RAPGEF4: variants seen among roughly 807,000 people sequenced by gnomAD.
The protein encoded by RAPGEF4 is Rap guanine nucleotide exchange factor 4.
RAPGEF4 carries 66 observed loss-of-function variants against 147.9 expected under a neutral mutation model. That is an observed-to-expected ratio of 0.45 (90% CI 0.37 to 0.55). The LOEUF (loss-of-function observed/expected upper bound fraction) is 0.55, where lower values mean the gene tolerates loss of function less well. Ranked by LOEUF, RAPGEF4 falls within the 20% of genes least tolerant of loss-of-function variation. RAPGEF4 has a pLI of 0.00. For synonymous variants in RAPGEF4, 419 were observed against 442.7 expected (o/e 0.95, Z 0.67); for missense variants, 1,071 against 1,257.3 (o/e 0.85, Z 2.24).
intron 4 of RAPGEF4, among the ~76,000 whole-genome samples, chr2:172,847,938 A>C (rs756338551): frequency 6.6e-6 from 1 of 152,036 alleles, no homozygotes; most frequent in Non-Finnish European, 1.5e-5. Flanking sequence ...TTATTTCATG[A>C]GTGGTGGTCA....
At chr2:172,919,804 G>A (rs757260950) in intron 5 of RAPGEF4, among the ~76,000 whole-genome samples, 12 of 152,088 alleles carry the variant, frequency 7.9e-5, no homozygotes, top group Non-Finnish European at 1.5e-4. Flanking sequence ...TGGAGAGGCC[G>A]GTTTCTGACA....
chr2:172,828,793 T>A (rs1222946163), intron 4 of RAPGEF4, among the ~76,000 whole-genome samples: 1 of 152,124 alleles, frequency 6.6e-6, no homozygotes, highest in Admixed American at 6.5e-5. Flanking sequence ...AGACAACGCC[T>A]CCCAGTTCAG....
intron 17 of RAPGEF4, among the ~76,000 whole-genome samples, chr2:173,009,319 G>C (rs1005258463): frequency 5.9e-5 from 9 of 152,094 alleles, no homozygotes; most frequent in African/African-American, 1.7e-4. Context: ...ATTCCAAACA[G>C]TGCAAATAAA....
chr2:172,843,845 T>C (rs933944522), intron 4 of RAPGEF4, among the ~76,000 whole-genome samples: 1 of 152,232 alleles, frequency 6.6e-6, no homozygotes, highest in South Asian at 2.1e-4. Context: ...TAAAGACCAA[T>C]CTGTAAAGGC....
chr2:172,828,563 A>G (rs1449545230), intron 4 of RAPGEF4, among the ~76,000 whole-genome samples: 1 of 152,184 alleles, frequency 6.6e-6, no homozygotes, highest in African/African-American at 2.4e-5. Context: ...TGGTGCAGAA[A>G]CACATAAGAC....
chr2:172,903,881 C>A (rs1015400419), intron 4 of RAPGEF4, among the ~76,000 whole-genome samples: 3 of 152,164 alleles, frequency 2.0e-5, no homozygotes, highest in Non-Finnish European at 4.4e-5. Flanking sequence ...CAGTGGGAAG[C>A]CCAGGTGTCT....
intron 4 of RAPGEF4, chr2:172,889,730 T>G (rs1433640143): frequency 1.7e-6 from 1 of 599,862 alleles, no homozygotes; most frequent in Non-Finnish European, 2.1e-6. Flanking sequence ...TAATCTGATT[T>G]GTTACTTTCA....
intron 3 of RAPGEF4, among the ~76,000 whole-genome samples, chr2:172,811,066 C>T (rs766146560): frequency 6.6e-6 from 1 of 152,228 alleles, no homozygotes; most frequent in Non-Finnish European, 1.5e-5. Context: ...CTTCAGGGGG[C>T]CTGCTAAGAA....
At position 172,906,138 on chromosome 2, in the gene RAPGEF4, A is replaced by G. The variant is rs138593607; in HGVS notation, c.445-11664A>G. 5.0e-3 allele frequency among the ~76,000 whole-genome samples: 760 copies of G among 152,348 alleles called. 5 individuals carry two copies. The highest frequency in any genetic ancestry group is 0.018 in the African/African-American group (732 of 41,574). ...AAAGAACTCTGGGCAAGAAACAGAAAAAAAGGGTCTAAACATTATGTCACT... is the reference window on the plus strand; with the variant it reads ...AAAGAACTCTGGGCAAGAAACAGAAGAAAAGGGTCTAAACATTATGTCACT... On this transcript the variant is annotated intron_variant, in intron 4 of 30. Transcript: ENST00000397081.
At chr2:172,953,203 G>C (rs1368237616) in intron 6 of RAPGEF4, among the ~76,000 whole-genome samples, 1 of 148,360 alleles carries the variant, frequency 6.7e-6, no homozygotes, top group African/African-American at 2.5e-5. Context: ...ATCTATTATA[G>C]ATATTTTACA....
At chr2:173,023,481 G>A (rs1014617450) in intron 23 of RAPGEF4, among the ~76,000 whole-genome samples, 1 of 152,158 alleles carries the variant, frequency 6.6e-6, no homozygotes, top group African/African-American at 2.4e-5. Flanking sequence ...TCCAGGGTGA[G>A]CATTTATATT....
intron 4 of RAPGEF4, among the ~76,000 whole-genome samples, chr2:172,889,585 T>A (rs925359282): frequency 2.0e-5 from 3 of 151,896 alleles, no homozygotes; most frequent in African/African-American, 4.8e-5. Flanking sequence ...AGGGGACATG[T>A]TTATACGCAA....
chr2:173,019,422 G>A (rs745647633), intron 22 of RAPGEF4, among the ~76,000 whole-genome samples: 26 of 152,242 alleles, frequency 1.7e-4, no homozygotes, highest in Non-Finnish European at 1.2e-4. Context: ...ACGTCCCCAG[G>A]TTGTTCCCAG....
At chr2:172,763,303 G>C (rs1012747961) in intron 1 of RAPGEF4, among the ~76,000 whole-genome samples, 7 of 152,168 alleles carry the variant, frequency 4.6e-5, no homozygotes, top group African/African-American at 1.7e-4. Flanking sequence ...TTGCCTATTT[G>C]TCATATATTG....
intron 1 of RAPGEF4, among the ~76,000 whole-genome samples, chr2:172,777,843 T>C (rs987687566): frequency 6.6e-6 from 1 of 152,214 alleles, no homozygotes; most frequent in African/African-American, 2.4e-5. Context: ...GTGTATTTAT[T>C]GTCCAGTGTC....
intron 4 of RAPGEF4, chr2:172,822,037 T>C: frequency 6.3e-7 from 1 of 1,579,128 alleles, no homozygotes; most frequent in Non-Finnish European, 8.7e-7. Context: ...TACTACATGT[T>C]ACTGTTTGCA....
At position 172,852,995 on chromosome 2, in the gene RAPGEF4, T is replaced by C. The variant is rs118167997; in HGVS notation, c.444+38570T>C. Among the ~76,000 whole-genome samples, 3 of 152,194 alleles carry C rather than the reference T, an allele frequency of 2.0e-5. No individual in the cohort carries two copies. The East Asian group carries it at 5.8e-4, about 29-fold the overall frequency. ...TACTTGTTATGTAAAAACTCTATTA[T>C]GTAAAAAGAATGATTGTCCTTTTTA... On this transcript the variant is annotated intron_variant, in intron 4 of 30. Coordinates refer to ENST00000397081, the MANE Select transcript of RAPGEF4 (RefSeq NM_007023.4).
chr2:172,765,951 AC>A, intron 1 of RAPGEF4, among the ~76,000 whole-genome samples: 1 of 151,898 alleles, frequency 6.6e-6, no homozygotes, highest in South Asian at 2.1e-4. Context: ...TCACTTCTGA[AC>A]CCTGGGCTGT....
Position 172,860,874 on chromosome 2 carries a change from A to G in RAPGEF4, c.444+46449A>G, listed in dbSNP as rs529478771. Among the ~76,000 whole-genome samples the G allele has an allele frequency of 2.0e-5, 3 of 152,274 alleles. No homozygotes were observed. The East Asian group carries it at 5.8e-4, about 29-fold the overall frequency. On this transcript the variant is annotated intron_variant, in intron 4 of 30. Coordinates refer to ENST00000397081, the MANE Select transcript of RAPGEF4 (RefSeq NM_007023.4). ...TATTCCAAAATTAAGTACAGATGGT[A>G]ATTTTCAGCAGTTTTAAAAATTTGT... is the stretch of plus-strand genomic sequence containing the variant.
Sources: allele counts gnomAD v4.1 joint callset (sites outside exome capture counted in the v4.1 genomes callset), GRCh38; gene constraint gnomAD v4.1.1; transcripts MANE v1.5; gene names NCBI Gene and HGNC (gene_info 2026-07-23, HGNC 2026-07-21).